The following KCTD15 variants were observed in gnomAD, a reference collection of about 807,000 sequenced individuals.
The protein encoded by KCTD15 is potassium channel tetramerization domain containing 15.
In KCTD15, 11 loss-of-function variants were observed where a neutral mutation model predicts 27.2. The ratio of observed to expected loss-of-function variants is 0.41; its 90% confidence interval spans 0.25 to 0.67. The LOEUF is 0.67. Among genes scored for constraint, KCTD15 ranks in the 30% least tolerant of loss-of-function variants. The pLI is 0.35. For synonymous variants in KCTD15, 163 were observed against 176.0 expected, an observed-to-expected ratio of 0.93 and a Z score of 0.58; for missense variants, 350 against 409.3, an observed-to-expected ratio of 0.86 and a Z score of 1.25.
chr19:33,797,406 G>T (rs1464988037), intron 1 of KCTD15: 13 of 455,412 alleles, frequency 2.9e-5, no homozygotes, highest in Middle Eastern at 3.2e-4. Context: ...GGGGCTTCGG[G>T]ATGCACAAGT....
chr19:33,809,620 C>G (rs1464647013), intron 5 of KCTD15, among the ~76,000 whole-genome samples: 2 of 152,120 alleles, frequency 1.3e-5, no homozygotes, highest in Non-Finnish European at 2.9e-5. Flanking sequence ...ACCTGTAATC[C>G]CAGTGCTTTG....
Position 33,811,227 on chromosome 19 carries a change from C to G in KCTD15, c.388-20C>G, listed in dbSNP as rs998538974. Reference sequence around the variant, plus strand: ...CCCTACTCCGACACCCACATCAACACCCTGTGCGCCTGTCCCCAGGACTTC... The same window carrying G: ...CCCTACTCCGACACCCACATCAACAGCCTGTGCGCCTGTCCCCAGGACTTC... On this transcript the variant is annotated intron_variant, in intron 5 of 6. Coordinates refer to ENST00000683859, the MANE Select transcript of KCTD15 (RefSeq NM_001129994.2). 7 of 1,229,680 alleles carry G rather than the reference C, an allele frequency of 5.7e-6. No homozygotes were observed. The Admixed American group carries it at 1.7e-4, about 30-fold the overall frequency. The allele number at this position is 1,229,680 out of a possible 1,614,324, so 76.2% of individuals were successfully genotyped here.
chr19:33,800,966 C>T (rs1229630457), intron 3 of KCTD15, among the ~76,000 whole-genome samples: 1 of 152,098 alleles, frequency 6.6e-6, no homozygotes, highest in African/African-American at 2.4e-5. Flanking sequence ...CCCTCTGGTA[C>T]TTTGAAGAAA....
chr19:33,812,680 G>A, intron 6 of KCTD15, 110 bp from the exon 7 acceptor site: 2 of 1,394,260 alleles, frequency 1.4e-6, no homozygotes, highest in South Asian at 3.4e-5. Context: ...GATCGTCACA[G>A]GAGAAGGTGC....
At position 33,811,338 on chromosome 19, in the gene KCTD15, G is replaced by A. The variant is rs1410494049; in HGVS notation, c.479G>A (p.Arg160Gln). The A allele has an allele frequency of 6.4e-6, 10 of 1,558,574 alleles. No homozygotes were observed. Among genetic ancestry groups the A allele is most frequent in the Middle Eastern group, 3.4e-4 (2 of 5,956 alleles). ...LERWQQEQEQ[R>Q]RRSRACDCLV... ...CGCTGGCAGCAGGAGCAGGAGCAGC[G>A]GCGCCGCAGCCGGGCCTGTGACTGC... is the stretch of plus-strand genomic sequence containing the variant. The change falls in exon 6 of 7, where the codon CGG becomes CAG. Residue 160 changes from arginine (R) to glutamine (Q), a missense_variant. Physicochemically the swap from Arg to Gln is conservative, Grantham distance 43. Coordinates refer to ENST00000683859, the MANE Select transcript of KCTD15 (RefSeq NM_001129994.2).
In KCTD15 at chr19:33,813,925, G is replaced by A. The variant is rs146202987; in HGVS notation, c.*977G>A. ...AGCCTGCCGATGAGACCCAGACACA[G>A]GCAGACCTGGCGCTCTTGACCCCTG... On this transcript the variant is annotated 3_prime_UTR_variant, in exon 7 of 7. Transcript: ENST00000683859. The A allele has an allele frequency of 4.1e-4, 63 of 153,616 alleles. No individual in the cohort carries two copies. The East Asian group carries it at 0.012, about 28-fold the overall frequency. 9.5% of individuals were successfully genotyped at this position (153,616 alleles called of 1,614,324 possible). A position where few individuals can be genotyped will look rare whatever the true frequency, so the allele number is the denominator to read the frequency against.
At chr19:33,798,181 C>G (rs1386791380) in intron 1 of KCTD15, 1 of 152,348 alleles carries the variant, frequency 6.6e-6, no homozygotes, top group South Asian at 2.1e-4. Flanking sequence ...CCAGGACTTT[C>G]GCCCCGGGCC....
At chr19:33,812,587 A>C (rs2145500067) in intron 6 of KCTD15, 1 of 1,281,938 alleles carries the variant, frequency 7.8e-7, no homozygotes, top group Admixed American at 4.0e-5. Flanking sequence ...CTGAGGGGTC[A>C]CTGGGCCTGG....
At chr19:33,811,658 C>G (rs1456585880) in intron 6 of KCTD15, 106 bp downstream of exon 6, 3 of 1,508,496 alleles carry the variant, frequency 2.0e-6, no homozygotes, top group Non-Finnish European at 2.7e-6. Context: ...ACGGTGAAGC[C>G]CCCCGTGCCA....
intron 4 of KCTD15, among the ~76,000 whole-genome samples, chr19:33,806,588 C>T (rs556395507): frequency 1.3e-5 from 2 of 152,162 alleles, no homozygotes; most frequent in South Asian, 2.1e-4. Flanking sequence ...TGTAACATAA[C>T]GTGTGTTGGC....
chr19:33,802,615 C>T (rs1975595085), intron 4 of KCTD15, among the ~76,000 whole-genome samples: 1 of 151,608 alleles, frequency 6.6e-6, no homozygotes, highest in African/African-American at 2.4e-5. Context: ...GGCCTTGGGG[C>T]TTGTGGGGTG....
chr19:33,802,995 C>T (rs921669228), intron 4 of KCTD15, among the ~76,000 whole-genome samples: 4 of 151,998 alleles, frequency 2.6e-5, no homozygotes, highest in Non-Finnish European at 5.9e-5. Context: ...GTGCTGCTCA[C>T]CCATTGCTTT....
rs1192215805 is a variant in KCTD15, at chr19:33,811,519, G to A, written c.660G>A (p.Pro220=). ...NQDPTHVIRF[P]LNGYCRLNSV... is the part of the protein sequence containing the mutation. ...ACCCCACGCACGTCATCCGCTTCCC[G>A]CTCAATGGCTACTGCCGGCTCAACT... Residue 220 remains proline (P), a synonymous_variant, in exon 6 of 7, where the codon CCG becomes CCA. Coordinates refer to ENST00000683859, the MANE Select transcript of KCTD15 (RefSeq NM_001129994.2). 2.5e-6 allele frequency: 4 copies of A among 1,608,892 alleles called. No homozygotes were observed. Among genetic ancestry groups the A allele is most frequent in the Admixed American group, 1.7e-5 (1 of 59,920 alleles).
At position 33,813,034 on chromosome 19, in the gene KCTD15, A is replaced by G. The variant is rs1248176622; in HGVS notation, c.*86A>G. ...TGCCTGTGTATACTTGGCCGTGGGC[A>G]TGAGACCGAGGGTGAGGCTGGAGGG... is the stretch of plus-strand genomic sequence containing the variant. On this transcript the variant is annotated 3_prime_UTR_variant, in exon 7 of 7. Coordinates refer to ENST00000683859, the MANE Select transcript of KCTD15 (RefSeq NM_001129994.2). 1 of 1,382,860 alleles carries G rather than the reference A, an allele frequency of 7.2e-7. No individual in the cohort carries two copies. The highest frequency in any genetic ancestry group is 1.3e-5 in the South Asian group (1 of 79,488). 85.7% of individuals were successfully genotyped at this position (1,382,860 alleles called of 1,614,324 possible).
Position 33,814,144 on chromosome 19 carries a change from C to T in KCTD15, c.*1196C>T, listed in dbSNP as rs547027813. Reference sequence around the variant, plus strand: ...ACAATGGCTGTAGACTTGTATATGGCTCCTTTAATATTGTAAAGATGCTGA... The same window carrying T: ...ACAATGGCTGTAGACTTGTATATGGTTCCTTTAATATTGTAAAGATGCTGA... On this transcript the variant is annotated 3_prime_UTR_variant, in exon 7 of 7. Transcript: ENST00000683859. The T allele has an allele frequency of 3.1e-3, 471 of 152,776 alleles. 2 individuals carry two copies. Among genetic ancestry groups the T allele is most frequent in the Non-Finnish European group, 5.2e-3 (356 of 68,050 alleles). The allele number at this position is 152,776 out of a possible 1,614,324, so 9.5% of individuals were successfully genotyped here. A position where few individuals can be genotyped will look rare whatever the true frequency, so the allele number is the denominator to read the frequency against.
intron 1 of KCTD15, among the ~76,000 whole-genome samples, chr19:33,798,063 C>T (rs1033207224): frequency 1.3e-5 from 2 of 152,042 alleles, no homozygotes; most frequent in Non-Finnish European, 2.9e-5. Flanking sequence ...TTCACACCGG[C>T]CGGCTGGCTC....
chr19:33,796,626 G>C (rs1975323628), upstream of KCTD15: 1 of 151,426 alleles, frequency 6.6e-6, no homozygotes, highest in Non-Finnish European at 1.5e-5. Context: ...TCCAGCAATC[G>C]AGGGAGGCCG....
intron 2 of KCTD15, among the ~76,000 whole-genome samples, chr19:33,799,008 G>A (rs559094385): frequency 6.6e-6 from 1 of 152,256 alleles, no homozygotes; most frequent in African/African-American, 2.4e-5. Context: ...GCCTCCTAGG[G>A]CAGGATAATC....
chr19:33,794,096 T>C (rs1975258383), upstream of KCTD15, among the ~76,000 whole-genome samples: 1 of 152,192 alleles, frequency 6.6e-6, no homozygotes, highest in South Asian at 2.1e-4. Context: ...AAAAAACACG[T>C]AGGAATTTAA....
Sources: allele counts gnomAD v4.1 joint callset (sites outside exome capture counted in the v4.1 genomes callset), GRCh38; gene constraint gnomAD v4.1.1; transcripts MANE v1.5; gene names NCBI Gene and HGNC (gene_info 2026-07-23, HGNC 2026-07-21).